The following TTC27 variants were observed in gnomAD, a reference collection of about 807,000 sequenced individuals.
TTC27 encodes the protein tetratricopeptide repeat domain 27, also known as tetratricopeptide repeat protein 27.
TTC27 carries 79 observed loss-of-function variants against 115.9 expected under a neutral mutation model. The observed-to-expected ratio is 0.68, with a 90% confidence interval of 0.57 to 0.82. TTC27 has a LOEUF of 0.82. Among genes scored for constraint, TTC27 ranks in the 40% least tolerant of loss-of-function variants. The probability of loss-of-function intolerance (pLI) is 0.00; values close to 1 mark genes in which losing one functional copy is unlikely to be tolerated. For missense variants in TTC27, 1,054 were observed against 993.1 expected (o/e 1.06, Z -0.82); for synonymous variants, 401 against 356.0 (o/e 1.13, Z -1.42).
rs571679804 is a variant in TTC27, at chr2:32,641,886, C to T, written c.537+1476C>T. Among the ~76,000 whole-genome samples the T allele has an allele frequency of 1.7e-4, 25 of 151,336 alleles. No individual in the cohort carries two copies. The South Asian group carries it at 1.7e-3, about 10-fold the overall frequency. ...TATTTATTTTTTTGAGACAGAGTCTCGCTCTGTAGCCCAGGCTGGAGTGCA... is the reference window on the plus strand; with the variant it reads ...TATTTATTTTTTTGAGACAGAGTCTTGCTCTGTAGCCCAGGCTGGAGTGCA... On this transcript the variant is annotated intron_variant, in intron 4 of 19. Transcript: ENST00000317907.
At position 32,819,495 on chromosome 2, in the gene TTC27, A is replaced by G. The variant is rs190968021; in HGVS notation, c.2410-1321A>G. Among the ~76,000 whole-genome samples the G allele has an allele frequency of 2.5e-4, 38 of 152,360 alleles. 2 individuals are homozygous for G. In the East Asian group the frequency reaches 6.9e-3, roughly 28 times the overall value. ...TCCAAAAAAGTCACTTTTTTAGAAT[A>G]CTTTAAAAAGTGAAAATGAAGATTG... On this transcript the variant is annotated intron_variant, in intron 19 of 19. Coordinates refer to ENST00000317907, the MANE Select transcript of TTC27 (RefSeq NM_017735.5).
intron 13 of TTC27, among the ~76,000 whole-genome samples, chr2:32,767,652 G>A (rs1303313542): frequency 6.6e-6 from 1 of 151,008 alleles, no homozygotes; most frequent in Admixed American, 6.6e-5. Flanking sequence ...TAGTAGAGAC[G>A]GGGTTTCACC....
At chr2:32,653,428 T>C (rs1040822248) in intron 5 of TTC27, among the ~76,000 whole-genome samples, 1 of 152,052 alleles carries the variant, frequency 6.6e-6, no homozygotes, top group African/African-American at 2.4e-5. Context: ...ACCCTGTCTC[T>C]ACTAAAAACA....
At chr2:32,637,494 G>T (rs1425558514) in intron 3 of TTC27, among the ~76,000 whole-genome samples, 1 of 151,974 alleles carries the variant, frequency 6.6e-6, no homozygotes, top group Non-Finnish European at 1.5e-5. Context: ...ACCGTGCCTG[G>T]CTAATTTTTG....
intron 9 of TTC27, among the ~76,000 whole-genome samples, chr2:32,702,362 T>C (rs1197944105): frequency 1.3e-5 from 2 of 152,156 alleles, no homozygotes; most frequent in African/African-American, 4.8e-5. Flanking sequence ...AAGGAGTCAG[T>C]GTTTATCATA....
intron 9 of TTC27, among the ~76,000 whole-genome samples, chr2:32,698,941 A>T (rs746475102): frequency 3.3e-5 from 5 of 152,184 alleles, no homozygotes; most frequent in Non-Finnish European, 7.3e-5. Context: ...CCTTGGGAGC[A>T]TATGTTCCCA....
intron 10 of TTC27, among the ~76,000 whole-genome samples, chr2:32,723,728 C>CTCCCTCCTTCTTTCCT (rs1454826952): frequency 3.4e-5 from 1 of 29,514 alleles, no homozygotes; most frequent in Non-Finnish European, 6.1e-5. Flanking sequence ...CCCTCCCTCC[C>CTCCCTCCTTCTTTCCT]TCCTTCCTTC....
At chr2:32,720,485 C>T (rs1319206892) in intron 10 of TTC27, among the ~76,000 whole-genome samples, 1 of 152,098 alleles carries the variant, frequency 6.6e-6, no homozygotes, top group African/African-American at 2.4e-5. Context: ...TCATTCCAGT[C>T]CAAATTTTTA....
intron 15 of TTC27, among the ~76,000 whole-genome samples, chr2:32,785,913 CT>C (rs1670332228): frequency 6.7e-6 from 1 of 148,246 alleles, no homozygotes. Context: ...TTTATTGCCT[CT>C]TTCAATACTG....
intron 8 of TTC27, among the ~76,000 whole-genome samples, chr2:32,673,978 T>C (rs942167598): frequency 1.3e-5 from 2 of 152,078 alleles, no homozygotes; most frequent in Non-Finnish European, 2.9e-5. Context: ...AGTGAAACTC[T>C]GTCTCAAAAA....
intron 13 of TTC27, among the ~76,000 whole-genome samples, chr2:32,760,587 C>T (rs775793601): frequency 6.6e-5 from 10 of 151,864 alleles, no homozygotes; most frequent in Admixed American, 1.3e-4. Flanking sequence ...TTTTTGGCGG[C>T]GGGGAGGGGT....
chr2:32,764,319 A>T (rs927560371), intron 13 of TTC27, among the ~76,000 whole-genome samples: 3 of 152,166 alleles, frequency 2.0e-5, no homozygotes, highest in African/African-American at 7.2e-5. Context: ...AAGTCATGCG[A>T]ATTTTTTGGT....
chr2:32,693,168 T>C (rs952773522), intron 9 of TTC27, among the ~76,000 whole-genome samples: 8 of 152,226 alleles, frequency 5.3e-5, no homozygotes, highest in Admixed American at 3.3e-4. Flanking sequence ...TCTGTTGTTT[T>C]TTCGTGAAGC....
intron 12 of TTC27, among the ~76,000 whole-genome samples, chr2:32,745,811 C>G (rs764079265): frequency 3.3e-5 from 5 of 152,196 alleles, no homozygotes; most frequent in Non-Finnish European, 7.3e-5. Flanking sequence ...CTGGCTGGAG[C>G]TAAGCAGTGG....
intron 10 of TTC27, among the ~76,000 whole-genome samples, chr2:32,713,750 C>T (rs1046146545): frequency 4.6e-5 from 7 of 152,084 alleles, no homozygotes; most frequent in African/African-American, 1.7e-4. Context: ...TGACTTTTTT[C>T]CTAGAATATT....
intron 12 of TTC27, among the ~76,000 whole-genome samples, chr2:32,748,968 G>C (rs754915510): frequency 6.6e-6 from 1 of 152,056 alleles, no homozygotes; most frequent in South Asian, 2.1e-4. Flanking sequence ...GATTACAGGC[G>C]TGAGCCACCA....
chr2:32,767,537 C>T (rs1669680018), intron 13 of TTC27, among the ~76,000 whole-genome samples: 1 of 146,798 alleles, frequency 6.8e-6, no homozygotes, highest in South Asian at 2.2e-4. Context: ...TCTCGGCTCA[C>T]TGCAAGCTCC....
At chr2:32,658,124 G>A (rs923094945) in intron 5 of TTC27, among the ~76,000 whole-genome samples, 2 of 151,920 alleles carry the variant, frequency 1.3e-5, no homozygotes, top group Non-Finnish European at 2.9e-5. Flanking sequence ...CACTGCACCC[G>A]GCCCTATTTA....
intron 12 of TTC27, among the ~76,000 whole-genome samples, chr2:32,739,634 G>C (rs3769585): frequency 0.77 from 117,598 of 152,070 alleles, 45,583 homozygotes; most frequent in South Asian, 0.87. Flanking sequence ...TAGCCAAACA[G>C]CCCCCAAAAT....
Sources: gnomAD v4.1 joint callset for allele counts (sites outside exome capture counted in the v4.1 genomes callset) on GRCh38, gnomAD v4.1.1 for gene constraint, MANE v1.5 for transcripts, NCBI Gene and HGNC (gene_info 2026-07-23, HGNC 2026-07-21) for gene names.